The following TRPC1 variants were observed in gnomAD, a reference collection of about 807,000 sequenced individuals.
The protein encoded by TRPC1 is short transient receptor potential channel 1.
In TRPC1, 42 loss-of-function variants were observed where a neutral mutation model predicts 88.2. The ratio of observed to expected loss-of-function variants is 0.48; its 90% CI spans 0.37 to 0.62. The LOEUF (loss-of-function observed/expected upper bound fraction) is 0.62, where lower values mean the gene tolerates loss of function less well. Ranked by LOEUF, TRPC1 falls within the 20% of genes least tolerant of loss-of-function variation. The pLI, the probability that TRPC1 is intolerant of heterozygous loss-of-function variation, is 0.00. For missense variants in TRPC1, 699 were observed against 957.3 expected (o/e 0.73, Z 3.56); for synonymous variants, 288 against 331.8 (o/e 0.87, Z 1.43).
intron 1 of TRPC1, among the ~76,000 whole-genome samples, chr3:142,729,173 A>G (rs966976115): frequency 3.9e-5 from 6 of 152,218 alleles, no homozygotes; most frequent in Admixed American, 3.3e-4. Flanking sequence ...TTAGTGGATA[A>G]TTTATCTCTA....
chr3:142,798,669 G>C (rs1400414550), intron 9 of TRPC1, among the ~76,000 whole-genome samples: 1 of 152,164 alleles, frequency 6.6e-6, no homozygotes, highest in Non-Finnish European at 1.5e-5. Flanking sequence ...AAAAAAGACA[G>C]GCTGGGCTGG....
chr3:142,795,670 A>T (rs1936428976), intron 9 of TRPC1, among the ~76,000 whole-genome samples: 1 of 152,074 alleles, frequency 6.6e-6, no homozygotes, highest in Non-Finnish European at 1.5e-5. Flanking sequence ...GACACACAAA[A>T]GCTAAAAGAA....
At position 142,788,499 on chromosome 3, in the gene TRPC1, A is replaced by G. The variant is rs570632347; in HGVS notation, c.1298-2520A>G. ...GGGTAGATCCTGAGTACAGTTTCGGATATGTTGAGTTTGAAAAGCCTTTGA... is the reference window on the plus strand; with the variant it reads ...GGGTAGATCCTGAGTACAGTTTCGGGTATGTTGAGTTTGAAAAGCCTTTGA... On this transcript the variant is annotated intron_variant, in intron 7 of 12. Coordinates refer to ENST00000476941, the MANE Select transcript of TRPC1 (RefSeq NM_001251845.2). Among the ~76,000 whole-genome samples, 16 of 152,066 alleles carry G rather than the reference A, an allele frequency of 1.1e-4. No individual in the cohort carries two copies. The East Asian group carries it at 2.9e-3, about 28-fold the overall frequency.
intron 9 of TRPC1, among the ~76,000 whole-genome samples, chr3:142,800,336 G>A (rs1245062251): frequency 1.3e-5 from 2 of 152,116 alleles, no homozygotes; most frequent in African/African-American, 2.4e-5. Context: ...GCACAAGTCA[G>A]GCATATTGGA....
Position 142,807,341 on chromosome 3 carries a change from G to GT in TRPC1, c.*1112dup, listed in dbSNP as rs1329501655. The GT allele has an allele frequency of 6.6e-6, 1 of 152,112 alleles. No individual in the cohort carries two copies. The highest frequency in any genetic ancestry group is 1.5e-5 in the Non-Finnish European group (1 of 68,016). The allele number at this position is 152,112 out of a possible 1,614,324, so 9.4% of individuals were successfully genotyped here. ...TTGCTGCTTAAGATGAAAAGCATTGGTTTTTTAAAATTAGAGAATAAAATA... is the reference window on the plus strand; with the variant it reads ...TTGCTGCTTAAGATGAAAAGCATTGGTTTTTTTAAAATTAGAGAATAAAATA... On this transcript the variant is annotated 3_prime_UTR_variant, in exon 13 of 13. Transcript: ENST00000476941.
intron 1 of TRPC1, among the ~76,000 whole-genome samples, chr3:142,731,755 A>C (rs1448840831): frequency 1.3e-5 from 2 of 152,158 alleles, no homozygotes; most frequent in Non-Finnish European, 2.9e-5. Flanking sequence ...GGGCTAGAGC[A>C]GGAGTGAGCA....
Position 142,804,067 on chromosome 3 carries a change from A to G in TRPC1, c.1848A>G (p.Glu616=), listed in dbSNP as rs752562977. The G allele has an allele frequency of 4.2e-5, 67 of 1,613,868 alleles. No homozygotes were observed. Among genetic ancestry groups the G allele is most frequent in the Non-Finnish European group, 5.6e-5 (66 of 1,179,880 alleles). ...IFVTRFSYGE[E]LQSFVGAVIV... ...TCACAAGATTTAGCTATGGAGAAGA[A>G]CTGCAGTCCTTTGTGGGAGCTGTCA... Residue 616 remains glutamate, a synonymous_variant, in exon 11 of 13, where the codon GAA becomes GAG. Coordinates refer to ENST00000476941, the MANE Select transcript of TRPC1 (RefSeq NM_001251845.2).
chr3:142,751,349 A>C (rs548103168), intron 4 of TRPC1, among the ~76,000 whole-genome samples: 1 of 152,172 alleles, frequency 6.6e-6, no homozygotes, highest in Admixed American at 6.5e-5. Flanking sequence ...ATGTTTAGAT[A>C]TGCAAATATT....
At chr3:142,765,474 T>C (rs1034827417) in intron 4 of TRPC1, among the ~76,000 whole-genome samples, 3 of 152,048 alleles carry the variant, frequency 2.0e-5, no homozygotes, top group South Asian at 4.2e-4. Flanking sequence ...AAAACAGACA[T>C]ATAGACCGAT....
At chr3:142,768,694 TA>T (rs1249606256) in intron 4 of TRPC1, among the ~76,000 whole-genome samples, 1 of 152,118 alleles carries the variant, frequency 6.6e-6, no homozygotes, top group East Asian at 1.9e-4. Context: ...TTCTTTGTGT[TA>T]AAAAAGTATA....
At chr3:142,751,744 C>T (rs1299845279) in intron 4 of TRPC1, among the ~76,000 whole-genome samples, 1 of 152,136 alleles carries the variant, frequency 6.6e-6, no homozygotes, top group Non-Finnish European at 1.5e-5. Flanking sequence ...ACCATCCACC[C>T]TCACTCTTTC....
At chr3:142,802,410 AAT>A in intron 10 of TRPC1, 66 bp downstream of exon 10, 1 of 1,115,300 alleles carries the variant, frequency 9.0e-7, no homozygotes, top group Non-Finnish European at 1.2e-6. Context: ...CTTCTATATG[AAT>A]TAGTATCTAT....
intron 7 of TRPC1, among the ~76,000 whole-genome samples, chr3:142,789,475 T>C (rs949025677): frequency 6.6e-6 from 1 of 152,232 alleles, no homozygotes; most frequent in Non-Finnish European, 1.5e-5. Context: ...ACTTTTTTTC[T>C]GTATAAAATA....
intron 1 of TRPC1, among the ~76,000 whole-genome samples, chr3:142,727,483 T>A (rs1013935323): frequency 6.6e-6 from 1 of 152,174 alleles, no homozygotes; most frequent in African/African-American, 2.4e-5. Context: ...TTATAGTTTG[T>A]GATAGCTGGC....
At chr3:142,731,850 T>TA (rs1312959222) in intron 1 of TRPC1, among the ~76,000 whole-genome samples, 1 of 151,998 alleles carries the variant, frequency 6.6e-6, no homozygotes, top group Non-Finnish European at 1.5e-5. Context: ...TTCAAATGGT[T>TA]AAAAAAAATT....
intron 6 of TRPC1, among the ~76,000 whole-genome samples, chr3:142,781,686 T>C (rs1203275334): frequency 6.6e-6 from 1 of 152,142 alleles, no homozygotes; most frequent in Non-Finnish European, 1.5e-5. Flanking sequence ...AAAATATGCA[T>C]TTTAAATTTC....
chr3:142,797,728 C>T (rs1320143326), intron 9 of TRPC1, among the ~76,000 whole-genome samples: 1 of 152,090 alleles, frequency 6.6e-6, no homozygotes, highest in East Asian at 1.9e-4. Flanking sequence ...ATGCATACCA[C>T]AGTACTTGAC....
intron 9 of TRPC1, among the ~76,000 whole-genome samples, chr3:142,793,319 T>G (rs144211932): frequency 2.0e-3 from 307 of 152,160 alleles, no homozygotes; most frequent in African/African-American, 7.1e-3. Flanking sequence ...ATATTTTAGG[T>G]TATAAGTATA....
At chr3:142,793,964 A>G in intron 9 of TRPC1, 1 of 887,324 alleles carries the variant, frequency 1.1e-6, no homozygotes, top group Non-Finnish European at 1.4e-6. Flanking sequence ...GAATTAAGTA[A>G]GTTTGGGACA....
Sources: gnomAD v4.1 joint callset for allele counts (sites outside exome capture counted in the v4.1 genomes callset) on GRCh38, gnomAD v4.1.1 for gene constraint, MANE v1.5 for transcripts, NCBI Gene and HGNC (gene_info 2026-07-23, HGNC 2026-07-21) for gene names.